Variants in ARHGEF3 observed in about 807,000 individuals in gnomAD.
ARHGEF3 encodes Rho guanine nucleotide exchange factor 3, also known as 59.8 kDA protein.
ARHGEF3 carries 28 observed loss-of-function variants against 63.2 expected under a neutral mutation model. The ratio of observed to expected loss-of-function variants is 0.44; its 90% confidence interval spans 0.33 to 0.61. The LOEUF is 0.61. Ranked by LOEUF, ARHGEF3 falls within the 20% of genes least tolerant of loss-of-function variation. The probability of loss-of-function intolerance (pLI) is 0.03; values close to 1 mark genes in which losing one functional copy is unlikely to be tolerated. For synonymous variants in ARHGEF3, 266 were observed against 254.2 expected (o/e 1.05, Z -0.44); for missense variants, 533 against 659.3 (o/e 0.81, Z 2.10).
At chr3:56,746,168 T>C (rs1052420803) in intron 6 of ARHGEF3, among the ~76,000 whole-genome samples, 5 of 152,230 alleles carry the variant, frequency 3.3e-5, no homozygotes, top group Admixed American at 1.3e-4. Context: ...TCCAGAAAGT[T>C]ACCAGAAGCA....
chr3:56,775,376 T>C, intron 1 of ARHGEF3: 1 of 1,059,626 alleles, frequency 9.4e-7, no homozygotes, highest in South Asian at 3.9e-5. Context: ...CATATAAAAA[T>C]TTAAAAACTT....
At chr3:56,963,698 T>C (rs948759700) in intron 2 of ARHGEF3, among the ~76,000 whole-genome samples, 2 of 152,248 alleles carry the variant, frequency 1.3e-5, no homozygotes, top group Non-Finnish European at 2.9e-5. Flanking sequence ...GCTATATTTT[T>C]TAAGAGAAAT....
chr3:56,791,162 G>C (rs921580926), intron 1 of ARHGEF3, among the ~76,000 whole-genome samples: 2 of 152,102 alleles, frequency 1.3e-5, no homozygotes, highest in African/African-American at 4.8e-5. Flanking sequence ...CAGCACCTTG[G>C]GAGGCCGAGG....
intron 6 of ARHGEF3, among the ~76,000 whole-genome samples, chr3:56,746,531 A>G (rs965841678): frequency 3.3e-5 from 5 of 152,124 alleles, no homozygotes; most frequent in Non-Finnish European, 7.4e-5. Context: ...GGAGTTTAAG[A>G]CCAGCCTGGC....
At chr3:56,843,871 G>A (rs556177541) in intron 4 of ARHGEF3, among the ~76,000 whole-genome samples, 1 of 152,300 alleles carries the variant, frequency 6.6e-6, no homozygotes, top group South Asian at 2.1e-4. Context: ...GGCAATTTGA[G>A]GGAGGGATTG....
At chr3:56,864,672 G>T (rs1389961795) in intron 4 of ARHGEF3, among the ~76,000 whole-genome samples, 4 of 152,194 alleles carry the variant, frequency 2.6e-5, no homozygotes, top group African/African-American at 7.2e-5. Flanking sequence ...CAGTCAATGT[G>T]AATATCAATG....
chr3:57,079,150 G>T (rs892180117), intron 1 of ARHGEF3: 3 of 386,246 alleles, frequency 7.8e-6, no homozygotes, highest in Non-Finnish European at 9.2e-6. Flanking sequence ...CCTAGCGGGG[G>T]TGTCCCGCCA....
At chr3:56,780,938 C>T (rs2036534291) in intron 1 of ARHGEF3, among the ~76,000 whole-genome samples, 1 of 152,162 alleles carries the variant, frequency 6.6e-6, no homozygotes, top group East Asian at 1.9e-4. Flanking sequence ...GTTCTTACTC[C>T]AGATACCTGT....
chr3:57,042,687 TATATATATATATA>T (rs1195630295), intron 1 of ARHGEF3, among the ~76,000 whole-genome samples: 1,522 of 24,712 alleles, frequency 0.062, 143 homozygotes, highest in African/African-American at 0.19. Context: ...TATATATATA[TATATATATATATA>T]TTTTTTTTTT....
chr3:56,737,964 G>A (rs2033743438), intron 7 of ARHGEF3, among the ~76,000 whole-genome samples: 1 of 152,034 alleles, frequency 6.6e-6, no homozygotes, highest in South Asian at 2.1e-4. Context: ...TGCCTCCCAG[G>A]TTCAAGCGAT....
At position 56,995,702 on chromosome 3, in the gene ARHGEF3, C is replaced by T. The variant is rs994417671; in HGVS notation, c.63-36813G>A. 4.8e-5 allele frequency among the ~76,000 whole-genome samples: 7 copies of T among 146,546 alleles called. No individual in the cohort carries two copies. The East Asian group carries it at 1.4e-3, about 29-fold the overall frequency. On this transcript the variant is annotated intron_variant, in intron 2 of 12. Transcript: ENST00000338458. ...TTTTTAACCTGGTCTCAATTTGAGA[C>T]CCCAGTAGAGAGAAACCTAAAAAAT...
chr3:57,058,934 T>A (rs1025469671), intron 1 of ARHGEF3, among the ~76,000 whole-genome samples: 1 of 140,104 alleles, frequency 7.1e-6, no homozygotes, highest in Admixed American at 7.9e-5. Flanking sequence ...TAGGTGGGAA[T>A]TGAACAATGA....
chr3:56,984,197 G>C (rs1272048313), intron 2 of ARHGEF3, among the ~76,000 whole-genome samples: 1 of 152,174 alleles, frequency 6.6e-6, no homozygotes, highest in East Asian at 1.9e-4. Flanking sequence ...CACACCGTGG[G>C]CTGCAGCCCC....
chr3:56,817,200 T>C (rs1337032954), intron 4 of ARHGEF3, among the ~76,000 whole-genome samples: 4 of 152,126 alleles, frequency 2.6e-5, no homozygotes, highest in African/African-American at 7.2e-5. Flanking sequence ...CAGGACCAAA[T>C]AGCACCTACT....
chr3:57,068,297 A>G (rs548666560), intron 1 of ARHGEF3, among the ~76,000 whole-genome samples: 1 of 152,322 alleles, frequency 6.6e-6, no homozygotes, highest in East Asian at 1.9e-4. Flanking sequence ...ATTTGGTAGC[A>G]TCATCATTCT....
At chr3:56,941,535 G>A (rs34366101) in intron 3 of ARHGEF3, among the ~76,000 whole-genome samples, 1 of 152,038 alleles carries the variant, frequency 6.6e-6, no homozygotes. Flanking sequence ...GAAACACCCC[G>A]ATGTGTTCTA....
At chr3:56,883,378 C>T (rs1451582216) in intron 3 of ARHGEF3, among the ~76,000 whole-genome samples, 1 of 151,616 alleles carries the variant, frequency 6.6e-6, no homozygotes, top group Non-Finnish European at 1.5e-5. Flanking sequence ...CAGCTCACTG[C>T]AGCCTTGACC....
intron 3 of ARHGEF3, among the ~76,000 whole-genome samples, chr3:56,922,042 C>A (rs2042155456): frequency 1.3e-5 from 2 of 151,782 alleles, no homozygotes; most frequent in Non-Finnish European, 2.9e-5. Context: ...ATTTTGGCAA[C>A]TGATACATGG....
chr3:57,071,373 G>A (rs1423323514), intron 1 of ARHGEF3, among the ~76,000 whole-genome samples: 3 of 151,962 alleles, frequency 2.0e-5, no homozygotes, highest in African/African-American at 7.2e-5. Flanking sequence ...AGAATATATA[G>A]GCATATGGCT....
Sources: gnomAD v4.1 joint callset for allele counts (sites outside exome capture counted in the v4.1 genomes callset) on GRCh38, gnomAD v4.1.1 for gene constraint, MANE v1.5 for transcripts, NCBI Gene and HGNC (gene_info 2026-07-23, HGNC 2026-07-21) for gene names.